The following KLKB1 variants were observed in gnomAD, a reference collection of about 807,000 sequenced individuals.
KLKB1 encodes the protein kallikrein B1, also known as plasma kallikrein.
In KLKB1, 58 loss-of-function variants were observed where a neutral mutation model predicts 73.6. The observed-to-expected ratio is 0.79, with a 90% CI of 0.64 to 0.98. KLKB1 has a LOEUF of 0.98. Ranked by LOEUF, KLKB1 falls within the 50% of genes least tolerant of loss-of-function variation. The pLI, the probability that KLKB1 is intolerant of heterozygous loss-of-function variation, is 0.00. For missense variants in KLKB1, 737 were observed against 763.8 expected, an observed-to-expected ratio of 0.96 and a Z score of 0.41; for synonymous variants, 280 against 258.1, an observed-to-expected ratio of 1.08 and a Z score of -0.81.
chr4:186,213,348 T>A lies in KLKB1; in HGVS notation c.201+4076T>A, dbSNP rs1306267214. ...AAATAAATTCTATTTTAGATGCAGGTACTGCATTTTATTCTAAGAATTGAT... is the reference window on the plus strand; with the variant it reads ...AAATAAATTCTATTTTAGATGCAGGAACTGCATTTTATTCTAAGAATTGAT... On this transcript the variant is annotated intron_variant, in intron 2 of 14. Transcript: ENST00000511608. 3.3e-5 allele frequency: 5 copies of A among 152,230 alleles called. No individual in the cohort carries two copies. The East Asian group carries it at 9.6e-4, about 29-fold the overall frequency. The allele number at this position is 152,230 out of a possible 1,614,324, so 9.4% of individuals were successfully genotyped here.
At chr4:186,257,744 AGTGT>A (rs67371055) in intron 14 of KLKB1, among the ~76,000 whole-genome samples, 5,161 of 147,092 alleles carry the variant, frequency 0.035, 95 homozygotes, top group African/African-American at 0.06. Flanking sequence ...AGAAAGAGTG[AGTGT>A]GTGTGTGTGT....
chr4:186,250,530 C>T, intron 7 of KLKB1, 128 bp downstream of exon 7: 2 of 1,053,206 alleles, frequency 1.9e-6, no homozygotes, highest in South Asian at 2.6e-5. Flanking sequence ...ACACTTGAAC[C>T]TGCAGTTTCA....
chr4:186,250,291 T>G lies in KLKB1; in HGVS notation c.647T>G (p.Val216Gly). Residue 216 changes from valine to glycine, a missense_variant, in exon 7 of 15, where the codon GTT (valine) becomes GGT (glycine). Coordinates refer to ENST00000264690, the MANE Select transcript of KLKB1 (RefSeq NM_000892.5). ...CATCTTGCGTTCTCAGATGTGGATG[T>G]TGCCAGGGTTCTCACTCCAGATGCT... ...FQHLAFSDVD[V>G]ARVLTPDAFV... The G allele has an allele frequency of 6.2e-7, 1 of 1,614,208 alleles. No individual in the cohort carries two copies.
At chr4:186,245,486 G>A (rs1580015043) in intron 6 of KLKB1, among the ~76,000 whole-genome samples, 2 of 152,280 alleles carry the variant, frequency 1.3e-5, no homozygotes, top group Non-Finnish European at 1.5e-5. Context: ...TTTCTAGTGG[G>A]GTCCCACACA....
chr4:186,241,039 C>T (rs1006834329), intron 6 of KLKB1, among the ~76,000 whole-genome samples: 5 of 152,074 alleles, frequency 3.3e-5, no homozygotes, highest in African/African-American at 9.7e-5. Context: ...GTGATTTAAT[C>T]GGATCAAATG....
At chr4:186,232,351 G>A (rs1737440850) in intron 3 of KLKB1, 62 bp downstream of exon 3, 1 of 1,474,574 alleles carries the variant, frequency 6.8e-7, no homozygotes, top group Non-Finnish European at 9.5e-7. Flanking sequence ...GTTTTGTGCA[G>A]AAAGGTGTAG....
intron 2 of KLKB1, chr4:186,228,840 A>G (rs1431224968): frequency 2.0e-5 from 3 of 152,502 alleles, no homozygotes; most frequent in Non-Finnish European, 4.4e-5. Context: ...GAGAATAAAA[A>G]TGATTCTGGA....
chr4:186,212,280 G>T (rs1198222231), intron 2 of KLKB1: 1 of 152,106 alleles, frequency 6.6e-6, no homozygotes, highest in Non-Finnish European at 1.5e-5. Flanking sequence ...ATACTTTTGG[G>T]ATTCTTCCAT....
chr4:186,255,939 T>C, intron 12 of KLKB1, 53 bp from the exon 13 acceptor site: 1 of 1,057,502 alleles, frequency 9.5e-7, no homozygotes, highest in Non-Finnish European at 1.5e-6. Flanking sequence ...ATTTTTAAAG[T>C]CTATATCCAT....
chr4:186,218,009 G>A (rs571406520), intron 2 of KLKB1, among the ~76,000 whole-genome samples: 2 of 152,334 alleles, frequency 1.3e-5, no homozygotes, highest in South Asian at 4.1e-4. Context: ...TGCTGCCTCT[G>A]TAGCAACTTC....
chr4:186,255,830 A>C (rs1012874270), intron 12 of KLKB1, among the ~76,000 whole-genome samples, 162 bp from the exon 13 acceptor site: 3 of 152,212 alleles, frequency 2.0e-5, no homozygotes, highest in African/African-American at 7.2e-5. Flanking sequence ...GGTGGTGACA[A>C]ATTTTCTTGA....
intron 6 of KLKB1, among the ~76,000 whole-genome samples, chr4:186,239,192 TTATAGTTATAGGAAACTAG>T (rs1561455235): frequency 1.5e-5 from 2 of 136,058 alleles, no homozygotes; most frequent in South Asian, 4.7e-4. Context: ...AGTGATACTG[TTATAGTTATAGGAAACTAG>T]TACAGTGATA....
intron 6 of KLKB1, among the ~76,000 whole-genome samples, chr4:186,247,084 G>A (rs1350156620): frequency 4.6e-5 from 7 of 152,262 alleles, no homozygotes; most frequent in South Asian, 4.1e-4. Flanking sequence ...ATTTAAAATC[G>A]GTGAGATGTT....
chr4:186,215,198 T>C (rs1258814300), intron 2 of KLKB1, among the ~76,000 whole-genome samples: 1 of 152,106 alleles, frequency 6.6e-6, no homozygotes, highest in Non-Finnish European at 1.5e-5. Flanking sequence ...TTCAGTTTAC[T>C]TTCAGATTCC....
At chr4:186,257,696 C>T (rs1014611218) in intron 14 of KLKB1, among the ~76,000 whole-genome samples, 7 of 151,028 alleles carry the variant, frequency 4.6e-5, no homozygotes, top group East Asian at 1.9e-4. Flanking sequence ...AAAGGGGATA[C>T]GAAAAATGCA....
intron 6 of KLKB1, 101 bp from the exon 7 acceptor site, chr4:186,250,142 A>G: frequency 8.9e-7 from 1 of 1,123,836 alleles, no homozygotes; most frequent in East Asian, 2.3e-5. Context: ...AGTACTATGA[A>G]TAATAAATAG....
chr4:186,251,128 T>G, intron 7 of KLKB1, 91 bp from the exon 8 acceptor site: 1 of 808,516 alleles, frequency 1.2e-6, no homozygotes, highest in Non-Finnish European at 2.1e-6. Flanking sequence ...TTTGCTGCGT[T>G]GCTTTTTGGG....
chr4:186,251,032 G>T lies in KLKB1; in HGVS notation c.759-187G>T, dbSNP rs1387359975. The stretch of plus-strand genomic sequence containing the variant: ...CTATTAGTTTTCTCCAGAGGGAGAG[G>T]TGGCTTGATTTACATTTAATCTCTG... On this transcript the variant is annotated intron_variant, in intron 7 of 14. Transcript: ENST00000264690. The T allele has an allele frequency of 1.4e-5, 8 of 575,250 alleles. No individual in the cohort carries two copies. In the South Asian group the frequency reaches 1.8e-4, roughly 13 times the overall value. 35.6% of individuals were successfully genotyped at this position (575,250 alleles called of 1,614,324 possible).
intron 12 of KLKB1, 78 bp downstream of exon 12, chr4:186,254,841 G>A: frequency 1.6e-6 from 2 of 1,267,220 alleles, no homozygotes; most frequent in Non-Finnish European, 2.3e-6. Context: ...CAAGAGGGCA[G>A]ACCTAGAGAG....
Sources: gnomAD v4.1 joint callset for allele counts (sites outside exome capture counted in the v4.1 genomes callset) on GRCh38, gnomAD v4.1.1 for gene constraint, MANE v1.5 for transcripts, NCBI Gene and HGNC (gene_info 2026-07-23, HGNC 2026-07-21) for gene names.